The following CUEDC1 variants were observed in gnomAD, a reference collection of about 807,000 sequenced individuals.
CUEDC1 encodes CUE domain-containing protein 1.
CUEDC1 carries 30 observed loss-of-function variants against 43.7 expected under a neutral mutation model. The observed-to-expected ratio is 0.69, with a 90% CI of 0.51 to 0.93. CUEDC1 has a LOEUF of 0.93. CUEDC1 is among the 40% of genes least tolerant of loss of function. The pLI, the probability that CUEDC1 is intolerant of heterozygous loss-of-function variation, is 0.00. For missense variants in CUEDC1, 486 were observed against 549.0 expected (o/e 0.89, Z 1.15); for synonymous variants, 223 against 223.6 (o/e 1.00, Z 0.02).
chr17:57,903,842 G>A (rs930578860), intron 1 of CUEDC1, among the ~76,000 whole-genome samples: 1 of 151,782 alleles, frequency 6.6e-6, no homozygotes, highest in African/African-American at 2.4e-5. Flanking sequence ...AGGGTGAGAT[G>A]GGAGGATTAC....
At chr17:57,871,246 A>G (rs772833651) in intron 6 of CUEDC1, 40 bp downstream of exon 6, 8 of 1,495,076 alleles carry the variant, frequency 5.4e-6, no homozygotes, top group Non-Finnish European at 7.5e-6. Flanking sequence ...TGAGCTCCCC[A>G]CTATGCCTCT....
At chr17:57,943,876 A>G (rs1268636679) in intron 1 of CUEDC1, among the ~76,000 whole-genome samples, 1 of 152,192 alleles carries the variant, frequency 6.6e-6, no homozygotes, top group African/African-American at 2.4e-5. Flanking sequence ...CTCTAGGCTC[A>G]GTTTATCCCT....
Position 57,866,480 on chromosome 17 carries a change from C to T in CUEDC1, c.1158G>A (p.Gln386=). The T allele has an allele frequency of 6.2e-7, 1 of 1,614,114 alleles. No homozygotes were observed. Among genetic ancestry groups the T allele is most frequent in the Non-Finnish European group, 8.5e-7 (1 of 1,179,976 alleles). ...CTATGGCTCCAGGCCTTACCTCTTA[C>T]TGTCCTTCTCGCAGGCCTTCCTCCA... ...PKVEEGLREG[Q] is the part of the protein sequence containing the mutation. The change falls in exon 10 of 11, where the codon CAG becomes CAA. Residue 386 remains glutamine (Q), a synonymous_variant. Coordinates refer to ENST00000577830, the MANE Select transcript of CUEDC1 (RefSeq NM_001271875.2).
intron 1 of CUEDC1, among the ~76,000 whole-genome samples, chr17:57,898,466 C>A (rs1418415550): frequency 6.6e-6 from 1 of 152,124 alleles, no homozygotes; most frequent in African/African-American, 2.4e-5. Context: ...CTGCTTACCT[C>A]CTGATCCTGC....
chr17:57,889,553 C>G (rs2074333655), intron 1 of CUEDC1, among the ~76,000 whole-genome samples: 1 of 152,230 alleles, frequency 6.6e-6, no homozygotes, highest in African/African-American at 2.4e-5. Context: ...AGCCCAGCCC[C>G]ACACCCTGCC....
rs964888706 is a variant in CUEDC1, at chr17:57,906,741, C to A, written c.-315-20862G>T. On this transcript the variant is annotated intron_variant, in intron 1 of 10. Transcript: ENST00000577830. ...ATCCCAGAACCTTGGGAGGCCAAGG[C>A]GGGTGGATCACCTGAGATAGGGAGT... 2.6e-5 allele frequency among the ~76,000 whole-genome samples: 4 copies of A among 152,182 alleles called. No individual in the cohort carries two copies. The East Asian group carries it at 5.8e-4, about 22-fold the overall frequency.
Position 57,879,652 on chromosome 17 carries a change from G to T in CUEDC1, c.423C>A (p.Phe141Leu), listed in dbSNP as rs377293899. Reference sequence around the variant, plus strand: ...GGGGAGCCAGAGGGTAGGGCCGGTCGAACACGTGCATGTGGTAGGCTGGCG... The same window carrying T: ...GGGGAGCCAGAGGGTAGGGCCGGTCTAACACGTGCATGTGGTAGGCTGGCG... ...YSPPAYHMHV[F>L]DRPYPLAPPT... The change falls in exon 3 of 11, where the codon TTC (phenylalanine) becomes TTA (leucine). Residue 141 changes from phenylalanine (F) to leucine (L), a missense_variant. Phe to Leu is a conservative substitution (Grantham distance 22). Transcript: ENST00000577830. 6.2e-7 allele frequency: 1 copy of T among 1,604,256 alleles called. No homozygotes were observed. The highest frequency in any genetic ancestry group is 2.3e-5 in the East Asian group (1 of 43,766).
intron 1 of CUEDC1, among the ~76,000 whole-genome samples, chr17:57,896,916 C>T (rs576516100): frequency 3.3e-5 from 5 of 151,666 alleles, no homozygotes; most frequent in East Asian, 1.9e-4. Flanking sequence ...ACTACAGGTG[C>T]GTGCCACCAT....
chr17:57,928,037 T>C (rs1014989691), intron 1 of CUEDC1, among the ~76,000 whole-genome samples: 5 of 152,192 alleles, frequency 3.3e-5, no homozygotes, highest in African/African-American at 9.7e-5. Flanking sequence ...CACAGGGCAC[T>C]CAGGTAGTCA....
Position 57,879,600 on chromosome 17 carries a change from C to G in CUEDC1, c.464+11G>C, listed in dbSNP as rs528220401. 38 of 1,585,342 alleles carry G rather than the reference C, an allele frequency of 2.4e-5. No individual in the cohort carries two copies. The East Asian group carries it at 7.0e-4, about 29-fold the overall frequency. ...TGCCACCCTGTGCTCTGAGACATGA[C>G]AGATTCTCACCGGGGAGGCGGAGTC... On this transcript the variant is annotated intron_variant, in intron 3 of 10. Coordinates refer to ENST00000577830, the MANE Select transcript of CUEDC1 (RefSeq NM_001271875.2).
chr17:57,876,659 G>A (rs2074130293), intron 3 of CUEDC1, among the ~76,000 whole-genome samples: 1 of 152,240 alleles, frequency 6.6e-6, no homozygotes, highest in Non-Finnish European at 1.5e-5. Flanking sequence ...GTCCTGGATG[G>A]AGGGACTGGA....
chr17:57,867,259 G>A (rs749789818), intron 9 of CUEDC1, 98 bp downstream of exon 9: 1 of 1,150,198 alleles, frequency 8.7e-7, no homozygotes, highest in Non-Finnish European at 1.3e-6. Context: ...TGTTCCTCCA[G>A]GGGACAGGGC....
At chr17:57,947,579 T>G (rs1180977475) in intron 1 of CUEDC1, among the ~76,000 whole-genome samples, 1 of 152,162 alleles carries the variant, frequency 6.6e-6, no homozygotes, top group Non-Finnish European at 1.5e-5. Flanking sequence ...CGAGTGGATC[T>G]CTTGAGCTCA....
At chr17:57,868,397 G>A in intron 7 of CUEDC1, 154 bp from the exon 8 acceptor site, 1 of 667,078 alleles carries the variant, frequency 1.5e-6, no homozygotes, top group Non-Finnish European at 2.7e-6. Flanking sequence ...AGAGATGACA[G>A]GAATCGCAGA....
At chr17:57,944,603 T>C (rs2074945343) in intron 1 of CUEDC1, among the ~76,000 whole-genome samples, 1 of 152,238 alleles carries the variant, frequency 6.6e-6, no homozygotes, top group South Asian at 2.1e-4. Flanking sequence ...CCATGTGTTG[T>C]TGTGGAGTAT....
intron 3 of CUEDC1, among the ~76,000 whole-genome samples, chr17:57,876,123 G>T (rs779238554): frequency 5.3e-5 from 8 of 152,316 alleles, no homozygotes; most frequent in Admixed American, 1.3e-4. Context: ...TCCCTCAGCA[G>T]CCAAAGGAAG....
At chr17:57,914,878 A>G (rs1196146580) in intron 1 of CUEDC1, 1 of 152,262 alleles carries the variant, frequency 6.6e-6, no homozygotes, top group African/African-American at 2.4e-5. Context: ...GCAGGAAATA[A>G]AATTTATTCA....
At chr17:57,868,065 C>CA in intron 8 of CUEDC1, 85 bp downstream of exon 8, 1 of 1,137,004 alleles carries the variant, frequency 8.8e-7, no homozygotes, top group Non-Finnish European at 1.3e-6. Flanking sequence ...CAGGGGAGGG[C>CA]ACAGCTGCAG....
chr17:57,884,423 C>G (rs570077233), intron 2 of CUEDC1, among the ~76,000 whole-genome samples: 1 of 151,978 alleles, frequency 6.6e-6, no homozygotes, highest in Non-Finnish European at 1.5e-5. Flanking sequence ...GTCTCGAACT[C>G]CTGAACTCAT....
Sources: allele counts gnomAD v4.1 joint callset (sites outside exome capture counted in the v4.1 genomes callset), GRCh38; gene constraint gnomAD v4.1.1; transcripts MANE v1.5; gene names NCBI Gene and HGNC (gene_info 2026-07-23, HGNC 2026-07-21).